ACTR5: variants seen among roughly 807,000 people sequenced by gnomAD.
ACTR5 encodes the protein actin-related protein 5.
In ACTR5, 43 loss-of-function variants were observed where a neutral mutation model predicts 61.2. The observed-to-expected ratio is 0.70, with a 90% CI of 0.55 to 0.91. The LOEUF is 0.91. Ranked by LOEUF, ACTR5 falls within the 40% of genes least tolerant of loss-of-function variation. The pLI, the probability that ACTR5 is intolerant of heterozygous loss-of-function variation, is 0.00. For missense variants in ACTR5, 798 were observed against 782.2 expected (o/e 1.02, Z -0.24); for synonymous variants, 333 against 310.5 (o/e 1.07, Z -0.76).
At chr20:38,771,205 GCCAGGAAGGCCTTTTCC>G (rs998709394) in intron 8 of ACTR5, among the ~76,000 whole-genome samples, 1 of 152,224 alleles carries the variant, frequency 6.6e-6, no homozygotes, top group Non-Finnish European at 1.5e-5. Flanking sequence ...GGGGAGCGGG[GCCAGGAAGGCCTTTTCC>G]CCAGGTCACG....
chr20:38,754,321 G>C (rs538664906), intron 3 of ACTR5, among the ~76,000 whole-genome samples: 12 of 152,088 alleles, frequency 7.9e-5, no homozygotes, highest in Non-Finnish European at 1.2e-4. Context: ...ATTATGTCCA[G>C]GTTTGGTAGC....
chr20:38,767,384 T>C, intron 7 of ACTR5, 80 bp from the exon 8 acceptor site: 1 of 1,293,754 alleles, frequency 7.7e-7, no homozygotes. Context: ...TGTTTTGTAC[T>C]GAGAGCTTAC....
At position 38,772,401 on chromosome 20, in the gene ACTR5, CT is replaced by C. The variant is rs1303350342; in HGVS notation, c.*586del. 2 of 154,760 alleles carry C rather than the reference CT, an allele frequency of 1.3e-5. No individual in the cohort carries two copies. Among genetic ancestry groups the C allele is most frequent in the African/African-American group, 4.8e-5 (2 of 41,460 alleles). The allele number at this position is 154,760 out of a possible 1,614,324, so 9.6% of individuals were successfully genotyped here. On this transcript the variant is annotated 3_prime_UTR_variant, in exon 9 of 9. Transcript: ENST00000243903. ...AGGCTATCGTGTGCTGTGATCGCACCTGTGAATAACCACTGCACTCCAGCCT... is the reference window on the plus strand; with the variant it reads ...AGGCTATCGTGTGCTGTGATCGCACCGTGAATAACCACTGCACTCCAGCCT...
At position 38,761,484 on chromosome 20, in the gene ACTR5, A is replaced by T. The variant is rs183551243; in HGVS notation, c.1177-3918A>T. The T allele has an allele frequency of 1.6e-3, 242 of 152,410 alleles. 2 individuals are homozygous for T. The highest frequency in any genetic ancestry group is 1.7e-3 in the Non-Finnish European group (118 of 68,046). The allele number at this position is 152,410 out of a possible 1,614,324, so 9.4% of individuals were successfully genotyped here. A position where few individuals can be genotyped will look rare whatever the true frequency, so the allele number is the denominator to read the frequency against. On this transcript the variant is annotated intron_variant, in intron 5 of 8. Coordinates refer to ENST00000243903, the MANE Select transcript of ACTR5 (RefSeq NM_024855.4). Reference sequence around the variant, plus strand: ...AATGGTCAGCTTAACCTAGGATGAGAATTATTTTTTGAAACAAGGAAAGCT... The same window carrying T: ...AATGGTCAGCTTAACCTAGGATGAGTATTATTTTTTGAAACAAGGAAAGCT...
At chr20:38,766,404 C>T (rs1272507231) in intron 7 of ACTR5, 27 bp downstream of exon 7, 1 of 1,557,704 alleles carries the variant, frequency 6.4e-7, no homozygotes, top group Non-Finnish European at 8.7e-7. Flanking sequence ...GCTTTTCCTT[C>T]TATCTTCCTG....
At chr20:38,759,468 G>A (rs1382596116) in intron 5 of ACTR5, among the ~76,000 whole-genome samples, 1 of 152,186 alleles carries the variant, frequency 6.6e-6, no homozygotes, top group South Asian at 2.1e-4. Flanking sequence ...TCTGCGACTT[G>A]TATGAATTGG....
chr20:38,749,005 C>G, intron 1 of ACTR5, 152 bp downstream of exon 1: 1 of 972,572 alleles, frequency 1.0e-6, no homozygotes, highest in Non-Finnish European at 1.5e-6. Flanking sequence ...GGTGTAGCAG[C>G]GAATAAAATG....
chr20:38,767,663 A>G (rs2084496280), intron 8 of ACTR5, 67 bp downstream of exon 8: 3 of 1,516,480 alleles, frequency 2.0e-6, no homozygotes, highest in African/African-American at 2.8e-5. Flanking sequence ...TGCAAAAGTA[A>G]TAATCATGCA....
At chr20:38,751,134 CA>C (rs2084384903) in intron 2 of ACTR5, among the ~76,000 whole-genome samples, 1 of 147,052 alleles carries the variant, frequency 6.8e-6, no homozygotes, top group South Asian at 2.1e-4. Context: ...AGGTTTCTCA[CA>C]TTGGCACAAA....
intron 5 of ACTR5, among the ~76,000 whole-genome samples, chr20:38,757,496 T>C (rs568725660): frequency 2.0e-5 from 3 of 152,280 alleles, no homozygotes; most frequent in Admixed American, 2.0e-4. Context: ...TTTTTTCCTT[T>C]TTAAATCAGC....
rs889901614 is a variant in ACTR5, at chr20:38,765,603, A to T, written c.1293+85A>T. 8 of 1,118,312 alleles carry T rather than the reference A, an allele frequency of 7.2e-6. No homozygotes were observed. In the East Asian group the frequency reaches 1.7e-4, roughly 23 times the overall value. 69.3% of individuals were successfully genotyped at this position (1,118,312 alleles called of 1,614,324 possible). On this transcript the variant is annotated intron_variant, in intron 6 of 8. Coordinates refer to ENST00000243903, the MANE Select transcript of ACTR5 (RefSeq NM_024855.4). ...GGCTAGTCTGTTTCTTTAGGACTTAAAACTGTTATGTTTTTTAGAAAATTG... is the reference window on the plus strand; with the variant it reads ...GGCTAGTCTGTTTCTTTAGGACTTATAACTGTTATGTTTTTTAGAAAATTG...
At chr20:38,754,708 C>A (rs2084408202) in intron 3 of ACTR5, among the ~76,000 whole-genome samples, 1 of 152,046 alleles carries the variant, frequency 6.6e-6, no homozygotes, top group African/African-American at 2.4e-5. Context: ...ACAGGGCGAG[C>A]CTCCCGAGTA....
chr20:38,767,664 T>C (rs1314933104), intron 8 of ACTR5, 68 bp downstream of exon 8: 2 of 1,517,760 alleles, frequency 1.3e-6, no homozygotes, highest in Admixed American at 3.8e-5. Context: ...GCAAAAGTAA[T>C]AATCATGCAG....
chr20:38,752,408 C>T (rs920120772), intron 3 of ACTR5, 108 bp downstream of exon 3: 29 of 1,246,920 alleles, frequency 2.3e-5, no homozygotes, highest in Non-Finnish European at 3.1e-5. Context: ...GCACCTCCTT[C>T]CCCTTTTTGT....
intron 5 of ACTR5, among the ~76,000 whole-genome samples, chr20:38,763,822 G>A (rs1187152869): frequency 6.6e-6 from 1 of 152,176 alleles, no homozygotes; most frequent in Non-Finnish European, 1.5e-5. Flanking sequence ...TGAGAGCAAG[G>A]TTCTTTAGAT....
intron 6 of ACTR5, 62 bp downstream of exon 6, chr20:38,765,580 C>T: frequency 7.3e-7 from 1 of 1,368,466 alleles, no homozygotes; most frequent in East Asian, 2.3e-5. Context: ...AATGGCTGGG[C>T]TAGTCTGTTT....
chr20:38,755,496 GTA>G (rs948119257), intron 4 of ACTR5, among the ~76,000 whole-genome samples: 1 of 151,980 alleles, frequency 6.6e-6, no homozygotes, highest in African/African-American at 2.4e-5. Context: ...ACTCACCCGT[GTA>G]TCTGCTGTCA....
chr20:38,753,542 T>C (rs1457706139), intron 3 of ACTR5, among the ~76,000 whole-genome samples: 1 of 152,172 alleles, frequency 6.6e-6, no homozygotes, highest in Non-Finnish European at 1.5e-5. Flanking sequence ...TGCCTGGGCT[T>C]GGGATAGAGA....
At chr20:38,763,005 A>G (rs2145673700) in intron 5 of ACTR5, among the ~76,000 whole-genome samples, 1 of 152,320 alleles carries the variant, frequency 6.6e-6, no homozygotes, top group South Asian at 2.1e-4. Flanking sequence ...TTCGTTTCTC[A>G]CCCGACGCTG....
Sources: allele counts gnomAD v4.1 joint callset (sites outside exome capture counted in the v4.1 genomes callset), GRCh38; gene constraint gnomAD v4.1.1; transcripts MANE v1.5; gene names NCBI Gene and HGNC (gene_info 2026-07-23, HGNC 2026-07-21).